Variants in ARHGAP12 observed in about 807,000 individuals in gnomAD.
ARHGAP12 encodes Rho GTPase activating protein 12.
Under a neutral mutation model 108.6 loss-of-function variants are expected in ARHGAP12, and 64 were observed. That is an observed-to-expected ratio of 0.59 (90% CI 0.48 to 0.73). ARHGAP12 has a LOEUF of 0.73. Among genes scored for constraint, ARHGAP12 ranks in the 30% least tolerant of loss-of-function variants. The probability of loss-of-function intolerance (pLI) is 0.00; values close to 1 mark genes in which losing one functional copy is unlikely to be tolerated. For synonymous variants in ARHGAP12, 312 were observed against 337.2 expected, an observed-to-expected ratio of 0.93 and a Z score of 0.82; for missense variants, 940 against 1,005.9, an observed-to-expected ratio of 0.93 and a Z score of 0.89.
chr10:31,905,033 C>A (rs1839071152), intron 3 of ARHGAP12, among the ~76,000 whole-genome samples: 1 of 151,848 alleles, frequency 6.6e-6, no homozygotes, highest in South Asian at 2.1e-4. Flanking sequence ...AAAATGAAAA[C>A]CTCCTAAGAC....
chr10:31,872,067 AT>A (rs1217266907), intron 3 of ARHGAP12, among the ~76,000 whole-genome samples: 1 of 152,088 alleles, frequency 6.6e-6, no homozygotes, highest in East Asian at 1.9e-4. Context: ...CTAGAACTTC[AT>A]TCTCTTTAAG....
At chr10:31,922,755 A>T (rs1245608644) in intron 1 of ARHGAP12, among the ~76,000 whole-genome samples, 1 of 152,194 alleles carries the variant, frequency 6.6e-6, no homozygotes, top group Non-Finnish European at 1.5e-5. Context: ...AATTCTACAT[A>T]AATCTCTCAA....
chr10:31,861,328 C>T, intron 4 of ARHGAP12, 67 bp downstream of exon 4: 5 of 1,513,740 alleles, frequency 3.3e-6, no homozygotes, highest in Non-Finnish European at 4.4e-6. Context: ...CTATTTACTT[C>T]TTTGGTTTCT....
intron 3 of ARHGAP12, among the ~76,000 whole-genome samples, chr10:31,884,377 A>T (rs1838114522): frequency 6.6e-6 from 1 of 151,044 alleles, no homozygotes. Context: ...TATTGCCTGG[A>T]TTCTCACATC....
At chr10:31,863,763 ATTC>A (rs2132314282) in intron 3 of ARHGAP12, among the ~76,000 whole-genome samples, 1 of 152,316 alleles carries the variant, frequency 6.6e-6, no homozygotes, top group East Asian at 1.9e-4. Context: ...AATTCTTTAG[ATTC>A]ATAGATAAAC....
At chr10:31,900,857 G>C (rs1021791049) in intron 3 of ARHGAP12, among the ~76,000 whole-genome samples, 9 of 152,064 alleles carry the variant, frequency 5.9e-5, no homozygotes, top group African/African-American at 2.2e-4. Context: ...GTAGGCATTT[G>C]AGGTGGGTCG....
At chr10:31,814,839 C>T (rs983003107) in intron 13 of ARHGAP12, among the ~76,000 whole-genome samples, 2 of 151,968 alleles carry the variant, frequency 1.3e-5, no homozygotes, top group African/African-American at 4.8e-5. Context: ...AGCGGCCAGG[C>T]GTGGTGGCTC....
intron 3 of ARHGAP12, among the ~76,000 whole-genome samples, chr10:31,870,668 G>A (rs1281473003): frequency 6.6e-6 from 1 of 152,078 alleles, no homozygotes; most frequent in Non-Finnish European, 1.5e-5. Context: ...GTTCACAAAC[G>A]AATTTTGTTT....
rs183086640 is a variant in ARHGAP12 at position 31,812,542 on chromosome 10, C to A, written c.1951+165G>T. On this transcript the variant is annotated intron_variant, in intron 15 of 19. Transcript: ENST00000344936. ...CACTACTTTAGTTAAAATAAACTTT[C>A]AAAAAAACTATTTTAATTACTTAAT... is the stretch of plus-strand genomic sequence containing the variant. 345 of 462,172 alleles carry A rather than the reference C, an allele frequency of 7.5e-4. 2 individuals carry two copies. The highest frequency in any genetic ancestry group is 6.4e-3 in the African/African-American group (317 of 49,470). 28.6% of individuals were successfully genotyped at this position (462,172 alleles called of 1,614,324 possible). A position where few individuals can be genotyped will look rare whatever the true frequency, so the allele number is the denominator to read the frequency against.
At chr10:31,889,561 T>C (rs1838327495) in intron 3 of ARHGAP12, among the ~76,000 whole-genome samples, 1 of 151,986 alleles carries the variant, frequency 6.6e-6, no homozygotes, top group Non-Finnish European at 1.5e-5. Flanking sequence ...ACTTAAAAAT[T>C]TTATCTTCTG....
chr10:31,881,364 C>A (rs899774182), intron 3 of ARHGAP12, among the ~76,000 whole-genome samples: 1 of 151,906 alleles, frequency 6.6e-6, no homozygotes, highest in Admixed American at 6.6e-5. Flanking sequence ...GAGGCCAACA[C>A]GGAACACACA....
chr10:31,865,179 AC>A (rs902546574), intron 3 of ARHGAP12, among the ~76,000 whole-genome samples: 2 of 152,208 alleles, frequency 1.3e-5, no homozygotes, highest in African/African-American at 4.8e-5. Context: ...TTAGGAAACT[AC>A]TGAAGATTAA....
intron 7 of ARHGAP12, among the ~76,000 whole-genome samples, chr10:31,841,156 T>C (rs1263397694): frequency 6.6e-6 from 1 of 152,170 alleles, no homozygotes; most frequent in Non-Finnish European, 1.5e-5. Flanking sequence ...GAAATAATTT[T>C]ACATGTATAC....
rs376831983 is a variant in ARHGAP12 at position 31,829,972 on chromosome 10, T to G, written c.1448+1767A>C. ...AACAGACTGCAAGCAGAGATGAAAA[T>G]TCATCTGTTTTCCATTAAGCCAAAC... On this transcript the variant is annotated intron_variant, in intron 10 of 19. Coordinates refer to ENST00000344936, the MANE Select transcript of ARHGAP12 (RefSeq NM_018287.7). 3.5e-3 allele frequency among the ~76,000 whole-genome samples: 537 copies of G among 151,936 alleles called. 2 individuals carry two copies. Among genetic ancestry groups the G allele is most frequent in the African/African-American group, 0.012 (514 of 41,374 alleles).
chr10:31,919,181 T>G (rs1245905704), intron 1 of ARHGAP12, among the ~76,000 whole-genome samples: 1 of 152,072 alleles, frequency 6.6e-6, no homozygotes, highest in Non-Finnish European at 1.5e-5. Flanking sequence ...GTCAAATTCA[T>G]AAAGACAGAA....
chr10:31,881,297 C>G (rs1415758960), intron 3 of ARHGAP12, among the ~76,000 whole-genome samples: 1 of 151,644 alleles, frequency 6.6e-6, no homozygotes, highest in Non-Finnish European at 1.5e-5. Context: ...AAAGCAGTAA[C>G]ATTATACTCA....
At position 31,839,178 on chromosome 10, in the gene ARHGAP12, T is replaced by C. The variant is rs570833633; in HGVS notation, c.1386+127A>G. 12 of 978,732 alleles carry C rather than the reference T, an allele frequency of 1.2e-5. No homozygotes were observed. In the African/African-American group the frequency reaches 1.5e-4, roughly 12 times the overall value. The allele number at this position is 978,732 out of a possible 1,614,324, so 60.6% of individuals were successfully genotyped here. A position where few individuals can be genotyped will look rare whatever the true frequency, so the allele number is the denominator to read the frequency against. ...CAGAAGTCACATGGAGGTTTTCCAGTTTAGGAGAACTTACAGTTAAGCTAT... is the reference window on the plus strand; with the variant it reads ...CAGAAGTCACATGGAGGTTTTCCAGCTTAGGAGAACTTACAGTTAAGCTAT... On this transcript the variant is annotated intron_variant, in intron 9 of 19. Transcript: ENST00000344936.
intron 3 of ARHGAP12, among the ~76,000 whole-genome samples, chr10:31,873,260 T>C (rs1372549913): frequency 6.6e-6 from 1 of 152,238 alleles, no homozygotes; most frequent in Non-Finnish European, 1.5e-5. Context: ...CCAGTGTGTA[T>C]TTTACAGTAC....
chr10:31,827,562 C>T (rs1410591092), intron 10 of ARHGAP12, among the ~76,000 whole-genome samples: 4 of 152,144 alleles, frequency 2.6e-5, no homozygotes, highest in South Asian at 2.1e-4. Flanking sequence ...GAGGCCGAGA[C>T]GGGTGGATCA....
Sources: allele counts gnomAD v4.1 joint callset (sites outside exome capture counted in the v4.1 genomes callset), GRCh38; gene constraint gnomAD v4.1.1; transcripts MANE v1.5; gene names NCBI Gene and HGNC (gene_info 2026-07-23, HGNC 2026-07-21).